Variants in GRID2 observed in about 807,000 individuals in gnomAD.
The protein encoded by GRID2 is glutamate ionotropic receptor delta type subunit 2.
Under a neutral mutation model 114.8 loss-of-function variants are expected in GRID2, and 33 were observed. The observed-to-expected ratio is 0.29, with a 90% CI of 0.22 to 0.38. The LOEUF (loss-of-function observed/expected upper bound fraction) is 0.38. GRID2 is among the 10% of genes least tolerant of loss of function. The pLI, the probability that GRID2 is intolerant of heterozygous loss-of-function variation, is 1.00. For synonymous variants in GRID2, 505 were observed against 449.9 expected (o/e 1.12, Z -1.55); for missense variants, 1,184 against 1,257.7 (o/e 0.94, Z 0.89).
At chr4:93,480,374 T>C (rs892699275) in intron 11 of GRID2, among the ~76,000 whole-genome samples, 2 of 152,078 alleles carry the variant, frequency 1.3e-5, no homozygotes, top group African/African-American at 4.8e-5. Flanking sequence ...GATAAGAGGT[T>C]CCAAATTCCC....
intron 2 of GRID2, among the ~76,000 whole-genome samples, chr4:92,879,978 T>C (rs1490333429): frequency 6.6e-6 from 1 of 152,210 alleles, no homozygotes; most frequent in Non-Finnish European, 1.5e-5. Context: ...ATTTATAATT[T>C]TTTTTACCAA....
At chr4:92,523,853 G>A (rs1417065840) in intron 1 of GRID2, among the ~76,000 whole-genome samples, 1 of 151,964 alleles carries the variant, frequency 6.6e-6, no homozygotes, top group Non-Finnish European at 1.5e-5. Flanking sequence ...AAGGGATAAG[G>A]TGGAACTGTA....
At chr4:93,369,165 T>A (rs1168886815) in intron 8 of GRID2, among the ~76,000 whole-genome samples, 1 of 152,138 alleles carries the variant, frequency 6.6e-6, no homozygotes, top group Non-Finnish European at 1.5e-5. Context: ...GAGAATGATT[T>A]TGAGCGTTTC....
chr4:92,621,913 AAGAG>A (rs1263563777), intron 2 of GRID2, among the ~76,000 whole-genome samples: 3 of 151,980 alleles, frequency 2.0e-5, no homozygotes, highest in South Asian at 4.2e-4. Context: ...AAAAAATTCG[AAGAG>A]AGAGAGATTA....
chr4:93,558,532 CA>C (rs891139941), intron 13 of GRID2, among the ~76,000 whole-genome samples: 1 of 152,130 alleles, frequency 6.6e-6, no homozygotes, highest in Non-Finnish European at 1.5e-5. Flanking sequence ...AAGACTAAAT[CA>C]GGAAGAAGTC....
At chr4:92,683,219 A>G (rs1484972046) in intron 2 of GRID2, among the ~76,000 whole-genome samples, 5 of 152,036 alleles carry the variant, frequency 3.3e-5, no homozygotes, top group Non-Finnish European at 5.9e-5. Flanking sequence ...GAATCTCGTG[A>G]ATCCAGAAGG....
intron 8 of GRID2, among the ~76,000 whole-genome samples, chr4:93,290,872 C>CTTTT (rs56735687): frequency 1.7e-3 from 154 of 88,516 alleles, no homozygotes; most frequent in African/African-American, 1.9e-3. Flanking sequence ...ATACAAGTTA[C>CTTTT]TTTTTTTTTT....
intron 1 of GRID2, among the ~76,000 whole-genome samples, chr4:92,440,328 A>G (rs1330381743): frequency 6.8e-6 from 1 of 146,052 alleles, no homozygotes; most frequent in Admixed American, 6.8e-5. Flanking sequence ...TGGGAAGGCT[A>G]AACTGAGGAA....
intron 3 of GRID2, among the ~76,000 whole-genome samples, chr4:93,102,119 T>A (rs1326937221): frequency 6.6e-6 from 1 of 152,178 alleles, no homozygotes; most frequent in African/African-American, 2.4e-5. Context: ...ATAGCTTTTT[T>A]AAAATTGACT....
At chr4:93,069,852 T>G (rs1728658244) in intron 2 of GRID2, among the ~76,000 whole-genome samples, 1 of 152,070 alleles carries the variant, frequency 6.6e-6, no homozygotes, top group South Asian at 2.1e-4. Context: ...TCACTTACAC[T>G]TAGGCCTCTA....
chr4:93,476,610 T>C (rs961887879), intron 11 of GRID2, among the ~76,000 whole-genome samples: 1 of 152,158 alleles, frequency 6.6e-6, no homozygotes, highest in East Asian at 1.9e-4. Flanking sequence ...TTCTCCTTTT[T>C]ATTTTTTAAC....
intron 1 of GRID2, among the ~76,000 whole-genome samples, chr4:92,341,088 G>T (rs1490639616): frequency 1.3e-5 from 2 of 152,050 alleles, no homozygotes; most frequent in Non-Finnish European, 2.9e-5. Context: ...TATAAAATGT[G>T]TATACTATAC....
intron 8 of GRID2, among the ~76,000 whole-genome samples, chr4:93,366,101 G>A (rs375167192): frequency 2.1e-4 from 32 of 152,076 alleles, no homozygotes; most frequent in African/African-American, 7.0e-4. Flanking sequence ...GTGTGTTTGA[G>A]CAATATGAAA....
chr4:93,716,221 C>A (rs1728887472), intron 14 of GRID2, among the ~76,000 whole-genome samples: 1 of 152,100 alleles, frequency 6.6e-6, no homozygotes. Flanking sequence ...ACTGTGTTTA[C>A]ATATGCACAT....
intron 14 of GRID2, among the ~76,000 whole-genome samples, chr4:93,753,039 C>T (rs1476636111): frequency 6.6e-6 from 1 of 152,138 alleles, no homozygotes; most frequent in Non-Finnish European, 1.5e-5. Context: ...ATAGTTATCA[C>T]TGATTCTCAG....
intron 2 of GRID2, among the ~76,000 whole-genome samples, chr4:92,687,126 T>A (rs957533296): frequency 6.6e-6 from 1 of 152,128 alleles, no homozygotes; most frequent in African/African-American, 2.4e-5. Flanking sequence ...CTTTTGAGAT[T>A]TAAGCAAAAT....
At chr4:93,219,150 G>C (rs1744591625) in intron 6 of GRID2, among the ~76,000 whole-genome samples, 1 of 151,454 alleles carries the variant, frequency 6.6e-6, no homozygotes, top group Admixed American at 6.6e-5. Context: ...ATTCTAAATA[G>C]AAAAAAAGGA....
chr4:93,443,143 T>C (rs1721775200), intron 10 of GRID2, among the ~76,000 whole-genome samples: 1 of 152,070 alleles, frequency 6.6e-6, no homozygotes, highest in Non-Finnish European at 1.5e-5. Flanking sequence ...CTCTTTTTCC[T>C]ATTTCTGTTA....
chr4:92,665,242 A>G (rs1732713814), intron 2 of GRID2, among the ~76,000 whole-genome samples: 1 of 150,224 alleles, frequency 6.7e-6, no homozygotes, highest in Non-Finnish European at 1.5e-5. Flanking sequence ...AACATCCTCA[A>G]GTCATAACAC....
Sources: allele counts gnomAD v4.1 joint callset (sites outside exome capture counted in the v4.1 genomes callset), GRCh38; gene constraint gnomAD v4.1.1; transcripts MANE v1.5; gene names NCBI Gene and HGNC (gene_info 2026-07-23, HGNC 2026-07-21).